The following ECE1 variants were observed in gnomAD, a reference collection of about 807,000 sequenced individuals.
ECE1 encodes endothelin converting enzyme 1.
In ECE1, 35 loss-of-function variants were observed where a neutral mutation model predicts 98.6. The ratio of observed to expected loss-of-function variants is 0.35; its 90% CI spans 0.27 to 0.47. The LOEUF is 0.47. Ranked by LOEUF, ECE1 falls within the 20% of genes least tolerant of loss-of-function variation. ECE1 has a pLI of 1.00. For synonymous variants in ECE1, 394 were observed against 407.1 expected, an observed-to-expected ratio of 0.97 and a Z score of 0.39; for missense variants, 814 against 1,025.3, an observed-to-expected ratio of 0.79 and a Z score of 2.81.
In ECE1 at chr1:21,340,576, C is replaced by A. The variant is rs1167750217; in HGVS notation, c.3+4800G>T. Among the ~76,000 whole-genome samples, 2 of 152,232 alleles carry A rather than the reference C, an allele frequency of 1.3e-5. No homozygotes were observed. Among genetic ancestry groups the A allele is most frequent in the African/African-American group, 4.8e-5 (2 of 41,458 alleles). On this transcript the variant is annotated intron_variant, in intron 1 of 18. Transcript: ENST00000415912. This position sits in a 1 kb window ranked among gnomAD's most constrained non-coding sequence, Gnocchi z 4.6. The stretch of plus-strand genomic sequence containing the variant: ...TCAGTAGGCTGGGTGCGGTGGCTCA[C>A]ACCTGTAATCCCAGCACTGTGGGAG...
rs2098225362 is a variant in ECE1, at chr1:21,260,476, T to C, written c.494-84A>G. 1.9e-6 allele frequency: 3 copies of C among 1,550,418 alleles called. No homozygotes were observed. Among genetic ancestry groups the C allele is most frequent in the South Asian group, 2.2e-5 (2 of 89,704 alleles). ...GGGGCAGTCCCTCTTTTCGGAGCCT[T>C]GGTGTTCTCAGCTGCAAAGGAGCTC... On this transcript the variant is annotated intron_variant, in intron 4 of 18. Coordinates refer to ENST00000374893, the MANE Select transcript of ECE1 (RefSeq NM_001397.3). This position sits in a 1 kb window ranked among gnomAD's most constrained non-coding sequence, Gnocchi z 4.3.
intron 4 of ECE1, 142 bp downstream of exon 4, chr1:21,272,557 G>C: frequency 2.0e-6 from 2 of 1,013,058 alleles, no homozygotes; most frequent in Non-Finnish European, 3.0e-6. Flanking sequence ...CTCTCAAAGT[G>C]CTGGGATTAC....
chr1:21,317,351 G>A (rs937291156), intron 1 of ECE1, among the ~76,000 whole-genome samples: 7 of 152,286 alleles, frequency 4.6e-5, no homozygotes, highest in Admixed American at 3.3e-4. Context: ...CCTGGCATCC[G>A]GTGGCTGCCA....
chr1:21,258,612 C>CAAAA lies in ECE1; in HGVS notation c.762+80_762+81insTTTT. The CAAAA allele has an allele frequency of 4.8e-6, 5 of 1,040,942 alleles. No individual in the cohort carries two copies. The highest frequency in any genetic ancestry group is 7.0e-6 in the Non-Finnish European group (5 of 710,976). The allele number at this position is 1,040,942 out of a possible 1,614,324, so 64.5% of individuals were successfully genotyped here. A position where few individuals can be genotyped will look rare whatever the true frequency, so the allele number is the denominator to read the frequency against. On this transcript the variant is annotated intron_variant, in intron 6 of 18. Transcript: ENST00000374893. This position sits in a 1 kb window ranked among gnomAD's most constrained non-coding sequence, Gnocchi z 4.2. ...CGTCCCACCCAGGGCAAGCCCCTCT[C>CAAAA]CCACCCCAGGTCCTGCTAAACTCAA... is the stretch of plus-strand genomic sequence containing the variant.
At chr1:21,330,846 A>G (rs1639186402) in intron 1 of ECE1, among the ~76,000 whole-genome samples, 1 of 152,192 alleles carries the variant, frequency 6.6e-6, no homozygotes, top group African/African-American at 2.4e-5. Flanking sequence ...CAGGCTGTAC[A>G]GGAAGACCTA....
rs779045560 is a variant in ECE1, at chr1:21,233,512, C to A, written c.1670+46G>T. 2 of 1,583,176 alleles carry A rather than the reference C, an allele frequency of 1.3e-6. No homozygotes were observed. Among genetic ancestry groups the A allele is most frequent in the Non-Finnish European group, 1.7e-6 (2 of 1,154,100 alleles). ...GCCAGTTCGTCCCAAGGCTTGCCCA[C>A]AGGTGGGGAGCTGGCACCTTGCCGG... On this transcript the variant is annotated intron_variant, in intron 14 of 18. Coordinates refer to ENST00000374893, the MANE Select transcript of ECE1 (RefSeq NM_001397.3). The surrounding 1 kb of genome is among the most constrained non-coding windows in gnomAD (Gnocchi z 4.0).
chr1:21,278,633 T>C (rs1017091810), intron 3 of ECE1, among the ~76,000 whole-genome samples: 1 of 152,198 alleles, frequency 6.6e-6, no homozygotes, highest in South Asian at 2.1e-4. Context: ...CAGGGCTGCC[T>C]CCAGGAGGAA....
At chr1:21,297,785 C>T (rs892768861) in intron 1 of ECE1, among the ~76,000 whole-genome samples, 1 of 151,644 alleles carries the variant, frequency 6.6e-6, no homozygotes, top group Admixed American at 6.6e-5. Flanking sequence ...GATCCACCCA[C>T]CTCCGCCTCC....
intron 8 of ECE1, among the ~76,000 whole-genome samples, chr1:21,254,068 CAAAAAAAAAA>C (rs57691016): frequency 2.5e-4 from 25 of 99,124 alleles, no homozygotes; most frequent in Non-Finnish European, 4.4e-4. Context: ...GACTTTGTCT[CAAAAAAAAAA>C]AAAAAAAAAA....
At chr1:21,236,696 A>G (rs770021218) in intron 12 of ECE1, 50 bp downstream of exon 12, 1 of 1,555,916 alleles carries the variant, frequency 6.4e-7, no homozygotes, top group South Asian at 1.1e-5. Context: ...ACCCTCCTCT[A>G]TCTGTGCTGG....
In ECE1 at chr1:21,258,234, C is replaced by T. The variant is rs2098222381; in HGVS notation, c.762+459G>A. Among the ~76,000 whole-genome samples the T allele has an allele frequency of 6.6e-6, 1 of 152,304 alleles. No homozygotes were observed. The highest frequency in any genetic ancestry group is 2.4e-5 in the African/African-American group (1 of 41,556). ...TGGTAGAGATGGGCTGGGAACTCAG[C>T]TTTTAGGACCCCCAGCCTGGGTTTC... On this transcript the variant is annotated intron_variant, in intron 6 of 18. Coordinates refer to ENST00000374893, the MANE Select transcript of ECE1 (RefSeq NM_001397.3). The surrounding 1 kb of genome is among the most constrained non-coding windows in gnomAD (Gnocchi z 4.2).
chr1:21,263,718 G>T (rs776132844), intron 4 of ECE1, among the ~76,000 whole-genome samples: 2 of 151,944 alleles, frequency 1.3e-5, no homozygotes, highest in Non-Finnish European at 2.9e-5. Context: ...GGATGAGGGG[G>T]CCCCGCCAGG....
intron 10 of ECE1, among the ~76,000 whole-genome samples, chr1:21,244,454 C>T (rs1357245196): frequency 2.6e-5 from 4 of 152,104 alleles, no homozygotes; most frequent in Admixed American, 2.6e-4. Context: ...GTGGAAGTGG[C>T]TGTGGAACTT....
intron 14 of ECE1, among the ~76,000 whole-genome samples, chr1:21,232,931 G>A (rs2098183632): frequency 6.6e-6 from 1 of 151,922 alleles, no homozygotes; most frequent in Non-Finnish European, 1.5e-5. Flanking sequence ...CACCTGTCTT[G>A]CCCTCCCAAA....
intron 11 of ECE1, 45 bp downstream of exon 11, chr1:21,238,089 A>C (rs1210964413): frequency 1.3e-6 from 2 of 1,576,088 alleles, no homozygotes. Flanking sequence ...TGCAGGCCAC[A>C]ACAAGTGTGA....
intron 1 of ECE1, among the ~76,000 whole-genome samples, chr1:21,303,492 T>C (rs1638529881): frequency 6.6e-6 from 1 of 152,328 alleles, no homozygotes; most frequent in Middle Eastern, 3.4e-3. Flanking sequence ...GACTTACTAA[T>C]AGAGAGCACT....
intron 10 of ECE1, 171 bp from the exon 11 acceptor site, chr1:21,238,415 C>T (rs2098191180): frequency 1.5e-6 from 1 of 665,300 alleles, no homozygotes. Flanking sequence ...CCACTGATAC[C>T]CTCACTCCCA....
At chr1:21,279,058 C>G (rs917485651) in intron 3 of ECE1, 133 bp downstream of exon 3, 54 of 1,474,744 alleles carry the variant, frequency 3.7e-5, no homozygotes, top group Non-Finnish European at 4.9e-5. Flanking sequence ...AGCACCCAGA[C>G]CCCCCTGGGC....
chr1:21,304,124 G>A (rs1445155727), intron 1 of ECE1, among the ~76,000 whole-genome samples: 1 of 150,880 alleles, frequency 6.6e-6, no homozygotes, highest in Non-Finnish European at 1.5e-5. Context: ...GACCATCCTG[G>A]CCAATACAGT....
Sources: gnomAD v4.1 joint callset for allele counts (sites outside exome capture counted in the v4.1 genomes callset) on GRCh38, gnomAD v4.1.1 for gene constraint, Gnocchi (gnomAD v3.1) non-coding constraint, MANE v1.5 for transcripts, NCBI Gene and HGNC (gene_info 2026-07-23, HGNC 2026-07-21) for gene names.